FLNB: variants seen among roughly 807,000 people sequenced by gnomAD.
The protein encoded by FLNB is filamin B.
A neutral mutation model predicts 250.6 loss-of-function variants in FLNB; 111 were observed. That is an observed-to-expected ratio of 0.44 (90% CI 0.38 to 0.52). FLNB has a LOEUF of 0.52. Among genes scored for constraint, FLNB ranks in the 20% least tolerant of loss-of-function variants. The pLI, the probability that FLNB is intolerant of heterozygous loss-of-function variation, is 0.00. For synonymous variants in FLNB, 1,302 were observed against 1,372.1 expected (o/e 0.95, Z 1.13); for missense variants, 2,869 against 3,447.8 (o/e 0.83, Z 4.20).
At chr3:58,094,694 T>C (rs924470514) in intron 4 of FLNB, 142 bp from the exon 5 acceptor site, 2 of 771,330 alleles carry the variant, frequency 2.6e-6, no homozygotes, top group Non-Finnish European at 4.7e-6. Context: ...ATTTTCCTTG[T>C]CAAGGCAGTT....
chr3:58,048,625 A>T (rs1401149117), intron 1 of FLNB, among the ~76,000 whole-genome samples: 1 of 152,198 alleles, frequency 6.6e-6, no homozygotes, highest in Non-Finnish European at 1.5e-5. Flanking sequence ...CTGTTGAAAC[A>T]ATACCTTTCT....
At chr3:58,083,173 G>T (rs1196247116) in intron 4 of FLNB, among the ~76,000 whole-genome samples, 1 of 150,130 alleles carries the variant, frequency 6.7e-6, no homozygotes, top group Non-Finnish European at 1.5e-5. Flanking sequence ...TCTGATTAAG[G>T]TTCACTTACT....
chr3:58,127,906 T>C (rs1457784224), intron 24 of FLNB, among the ~76,000 whole-genome samples: 1 of 152,146 alleles, frequency 6.6e-6, no homozygotes, highest in Non-Finnish European at 1.5e-5. Flanking sequence ...CATGGATGAA[T>C]TCTATAGTGG....
chr3:58,170,676 G>C lies in FLNB; in HGVS notation c.7723G>C (p.Val2575Leu). Residue 2575 changes from valine (V) to leucine (L), a missense_variant, in exon 46 of 46, where the codon GTC becomes CTC. Transcript: ENST00000295956. Reference protein sequence around the residue: ...GNQQYNVTYVVKERGDYVLAV... With the variant: ...GNQQYNVTYVLKERGDYVLAV... ...CCAGCAATACAACGTCACATACGTC[G>C]TCAAGGAGAGGGGCGATTATGTGCT... The C allele has an allele frequency of 1.9e-6, 3 of 1,614,158 alleles. No individual in the cohort carries two copies. The highest frequency in any genetic ancestry group is 2.5e-6 in the Non-Finnish European group (3 of 1,180,040).
chr3:58,027,148 A>G (rs534589019), intron 1 of FLNB, among the ~76,000 whole-genome samples: 1 of 147,378 alleles, frequency 6.8e-6, no homozygotes, highest in Non-Finnish European at 1.5e-5. Context: ...CCGGACTTAG[A>G]CTCTGGCTCT....
chr3:58,028,644 G>C (rs146312623), intron 1 of FLNB, among the ~76,000 whole-genome samples: 2 of 144,576 alleles, frequency 1.4e-5, no homozygotes, highest in African/African-American at 5.1e-5. Context: ...ACAAAGTTTC[G>C]CTCTTGTTGC....
Position 58,132,176 on chromosome 3 carries a change from G to T in FLNB, c.4391-632G>T, listed in dbSNP as rs553153053. On this transcript the variant is annotated intron_variant, in intron 25 of 45. Transcript: ENST00000295956. Reference sequence around the variant, plus strand: ...GAGTTGACCCATCCTTGACTGTCACGTTGGAAGCTGGGATCTGGACTCTGC... The same window carrying T: ...GAGTTGACCCATCCTTGACTGTCACTTTGGAAGCTGGGATCTGGACTCTGC... The T allele has an allele frequency of 9.6e-6, 6 of 623,966 alleles. No individual in the cohort carries two copies. The East Asian group carries it at 1.7e-4, about 17-fold the overall frequency. The allele number at this position is 623,966 out of a possible 1,614,324, so 38.7% of individuals were successfully genotyped here.
At chr3:58,068,840 A>T (rs944742087) in intron 1 of FLNB, among the ~76,000 whole-genome samples, 2 of 152,066 alleles carry the variant, frequency 1.3e-5, no homozygotes, top group Non-Finnish European at 2.9e-5. Flanking sequence ...TTTTGTGCAG[A>T]GTTGGATATA....
intron 4 of FLNB, among the ~76,000 whole-genome samples, chr3:58,085,478 G>C (rs899575263): frequency 6.6e-6 from 1 of 152,198 alleles, no homozygotes; most frequent in African/African-American, 2.4e-5. Context: ...ATTTGAAAGT[G>C]TTGTTTTATT....
intron 1 of FLNB, among the ~76,000 whole-genome samples, chr3:58,031,919 GTT>G (rs1310592309): frequency 6.6e-6 from 1 of 151,572 alleles, no homozygotes; most frequent in Non-Finnish European, 1.5e-5. Context: ...AATACCTTGT[GTT>G]TATTATTTTG....
intron 1 of FLNB, among the ~76,000 whole-genome samples, chr3:58,061,191 GT>G (rs1359846225): frequency 1.1e-4 from 16 of 152,140 alleles, no homozygotes; most frequent in Non-Finnish European, 2.4e-4. Flanking sequence ...TCTGGGAACA[GT>G]TTTTTGTCTT....
At chr3:58,067,406 G>T (rs1389507312) in intron 1 of FLNB, among the ~76,000 whole-genome samples, 3 of 152,092 alleles carry the variant, frequency 2.0e-5, no homozygotes, top group Non-Finnish European at 4.4e-5. Flanking sequence ...AGTAGTTCAT[G>T]AGCAAGAAAG....
Position 58,070,644 on chromosome 3 carries a change from ATC to A in FLNB, c.293-6386_293-6385del, listed in dbSNP as rs748194223. 4.5e-4 allele frequency among the ~76,000 whole-genome samples: 65 copies of A among 143,950 alleles called. 1 individual carries two copies. The highest frequency in any genetic ancestry group is 3.5e-3 in the Middle Eastern group (1 of 286). The allele number at this position is 143,950 out of a possible 152,430, so 94.4% of individuals were successfully genotyped here. ...GTAACTTGTGTCAAGCACACACCCC[ATC>A]TCTCTCTCTCTCTCTTTTTTTTTTT... On this transcript the variant is annotated intron_variant, in intron 1 of 45. Transcript: ENST00000295956.
chr3:58,157,891 C>A (rs935710897), intron 41 of FLNB, among the ~76,000 whole-genome samples: 1 of 152,230 alleles, frequency 6.6e-6, no homozygotes, highest in African/African-American at 2.4e-5. Context: ...GTTTCTTAAG[C>A]TTTTGTAACC....
Position 58,169,371 on chromosome 3 carries a change from C to G in FLNB, c.7418-219C>G. 3.4e-6 allele frequency: 2 copies of G among 588,444 alleles called. No individual in the cohort carries two copies. The highest frequency in any genetic ancestry group is 5.1e-5 in the Admixed American group (2 of 39,574). 36.5% of individuals were successfully genotyped at this position (588,444 alleles called of 1,614,324 possible). ...CTTGGCCTTGTCAGCCAAGGCCAGA[C>G]TCATCCATTTGCCCAGAAAGCCAGA... On this transcript the variant is annotated intron_variant, in intron 44 of 45. Coordinates refer to ENST00000295956, the MANE Select transcript of FLNB (RefSeq NM_001457.4). This position sits in a 1 kb window ranked among gnomAD's most constrained non-coding sequence, Gnocchi z 4.8.
At chr3:58,067,941 C>T (rs755894693) in intron 1 of FLNB, among the ~76,000 whole-genome samples, 3 of 152,076 alleles carry the variant, frequency 2.0e-5, no homozygotes, top group African/African-American at 7.2e-5. Context: ...TGGGTTTTTT[C>T]GGTCTTCAGG....
intron 1 of FLNB, among the ~76,000 whole-genome samples, chr3:58,033,702 T>C (rs1576612063): frequency 6.6e-6 from 1 of 152,192 alleles, no homozygotes; most frequent in Non-Finnish European, 1.5e-5. Context: ...GTATGTACTC[T>C]TTTTGTCTGG....
intron 42 of FLNB, among the ~76,000 whole-genome samples, chr3:58,160,935 A>T (rs1045764948): frequency 1.3e-5 from 2 of 152,188 alleles, no homozygotes; most frequent in Admixed American, 1.3e-4. Context: ...GTGAGCTGTG[A>T]TCATGCCATT....
chr3:58,096,085 A>G, intron 5 of FLNB, 56 bp from the exon 6 acceptor site: 1 of 1,360,490 alleles, frequency 7.4e-7, no homozygotes, highest in Non-Finnish European at 1.0e-6. Context: ...CTGACACAGC[A>G]TGCTCCTTAC....
Sources: gnomAD v4.1 joint callset for allele counts (sites outside exome capture counted in the v4.1 genomes callset) on GRCh38, gnomAD v4.1.1 for gene constraint, Gnocchi (gnomAD v3.1) non-coding constraint, MANE v1.5 for transcripts, NCBI Gene and HGNC (gene_info 2026-07-23, HGNC 2026-07-21) for gene names.